Variants in DHRSX observed in about 807,000 individuals in gnomAD.
DHRSX encodes dehydrogenase/reductase X-linked, also known as polyprenol dehydrogenase.
DHRSX carries 31 observed loss-of-function variants against 34.0 expected under a neutral mutation model. The ratio of observed to expected loss-of-function variants is 0.91; its 90% CI spans 0.69 to 1.23. The LOEUF is 1.23. Ranked by LOEUF, DHRSX falls within the 50% of genes most tolerant of loss-of-function variation. DHRSX has a pLI of 0.00. For synonymous variants in DHRSX, 201 were observed against 183.8 expected (o/e 1.09, Z -0.76); for missense variants, 414 against 428.1 (o/e 0.97, Z 0.29).
In DHRSX at chrX:2,298,614, A is replaced by ACACACACACACACACACG. The variant is rs1556457247; in HGVS notation, c.287-7012_287-7011insCGTGTGTGTGTGTGTGTG. Among the ~76,000 whole-genome samples, 149 of 83,006 alleles carry ACACACACACACACACACG rather than the reference A, an allele frequency of 1.8e-3. 14 individuals are homozygous for ACACACACACACACACACG. The highest frequency in any genetic ancestry group is 5.4e-3 in the African/African-American group (133 of 24,468). The allele number at this position is 83,006 out of a possible 152,430, so 54.5% of individuals were successfully genotyped here. On this transcript the variant is annotated intron_variant, in intron 3 of 6. Transcript: ENST00000334651. Reference sequence around the variant, plus strand: ...CAGGCGCGTGTGTACACACACACACACACACACACACACACACACACACGA... The same window carrying ACACACACACACACACACG: ...CAGGCGCGTGTGTACACACACACACACACACACACACACACACGCACACACACACACACACACACACGA...
At chrX:2,484,455 C>G (rs954232816) in intron 1 of DHRSX, among the ~76,000 whole-genome samples, 10 of 152,290 alleles carry the variant, frequency 6.6e-5, no homozygotes, top group African/African-American at 1.9e-4. Context: ...TAGGAAGGAG[C>G]CTGGCTGCAA....
chrX:2,316,137 C>T (rs185852725), intron 3 of DHRSX, among the ~76,000 whole-genome samples: 1 of 152,112 alleles, frequency 6.6e-6, no homozygotes, highest in East Asian at 2.0e-4. Context: ...GCTGGGATAA[C>T]AGGCGTGAGC....
chrX:2,466,975 G>T (rs1157212490), intron 1 of DHRSX, among the ~76,000 whole-genome samples: 2 of 149,834 alleles, frequency 1.3e-5, no homozygotes, highest in Admixed American at 1.4e-4. Flanking sequence ...TGAGGTGGGA[G>T]AATCCCTTGA....
intron 3 of DHRSX, among the ~76,000 whole-genome samples, chrX:2,298,157 C>T (rs767397938): frequency 6.6e-6 from 1 of 151,942 alleles, no homozygotes; most frequent in Admixed American, 6.6e-5. Context: ...AGCCACAAGC[C>T]GTGGGATGCC....
At chrX:2,378,178 T>A (rs2043163610) in intron 3 of DHRSX, among the ~76,000 whole-genome samples, 1 of 152,264 alleles carries the variant, frequency 6.6e-6, no homozygotes, top group African/African-American at 2.4e-5. Context: ...GCTCCAGGAA[T>A]GTCCTTTGAC....
At chrX:2,318,473 CT>C (rs2042267266) in intron 3 of DHRSX, among the ~76,000 whole-genome samples, 1 of 151,544 alleles carries the variant, frequency 6.6e-6, no homozygotes, top group South Asian at 2.1e-4. Context: ...GGTAAAGAAG[CT>C]GGCCAAACCC....
intron 3 of DHRSX, among the ~76,000 whole-genome samples, chrX:2,391,019 G>A (rs1309484614): frequency 4.0e-5 from 6 of 151,878 alleles, no homozygotes; most frequent in Admixed American, 3.3e-4. Context: ...ATATTCCACC[G>A]TTTGGATATA....
At chrX:2,258,082 T>C (rs1273583472) in intron 5 of DHRSX, among the ~76,000 whole-genome samples, 1 of 151,912 alleles carries the variant, frequency 6.6e-6, no homozygotes, top group Non-Finnish European at 1.5e-5. Context: ...TGATGACATC[T>C]CCAAGCCCAG....
chrX:2,224,515 G>C (rs2015592035), intron 6 of DHRSX, among the ~76,000 whole-genome samples: 1 of 152,154 alleles, frequency 6.6e-6, no homozygotes, highest in African/African-American at 2.4e-5. Flanking sequence ...AAGACAGCAA[G>C]CGCATTGTGC....
At chrX:2,271,217 C>A (rs1174215927) in intron 4 of DHRSX, among the ~76,000 whole-genome samples, 1 of 152,228 alleles carries the variant, frequency 6.6e-6, no homozygotes, top group Non-Finnish European at 1.5e-5. Flanking sequence ...ACTCCAGGCA[C>A]ATCTGAACAT....
intron 6 of DHRSX, among the ~76,000 whole-genome samples, chrX:2,233,507 G>A (rs73626174): frequency 0.027 from 4,156 of 152,156 alleles, 212 homozygotes; most frequent in African/African-American, 0.095. Flanking sequence ...CCAGACGCCC[G>A]GCTGGGGGGC....
At chrX:2,289,617 C>T (rs1194301409) in intron 4 of DHRSX, among the ~76,000 whole-genome samples, 3 of 152,214 alleles carry the variant, frequency 2.0e-5, no homozygotes, top group Non-Finnish European at 2.9e-5. Context: ...GGGTGTTACA[C>T]AGAACGAGGA....
chrX:2,339,853 G>C (rs1955311982), intron 3 of DHRSX, among the ~76,000 whole-genome samples: 1 of 152,058 alleles, frequency 6.6e-6, no homozygotes. Flanking sequence ...CTTTATAGTA[G>C]AATGATTTAT....
chrX:2,462,468 G>A (rs2044416473), intron 1 of DHRSX, among the ~76,000 whole-genome samples: 1 of 152,074 alleles, frequency 6.6e-6, no homozygotes. Context: ...CTGGGAGGTG[G>A]AGGTTGCAGC....
intron 3 of DHRSX, among the ~76,000 whole-genome samples, chrX:2,294,076 G>GAGAAAGAA (rs1001775182): frequency 3.3e-5 from 5 of 151,822 alleles, no homozygotes; most frequent in African/African-American, 1.2e-4. Context: ...GAGAGAAAGA[G>GAGAAAGAA]AGAAAGAAAG....
At chrX:2,266,522 G>T (rs62595519) in intron 5 of DHRSX, among the ~76,000 whole-genome samples, 1 of 135,468 alleles carries the variant, frequency 7.4e-6, no homozygotes, top group Non-Finnish European at 1.6e-5. Context: ...ACCAGTGCTC[G>T]GCAGATGCAG....
rs1231449476 is a variant in DHRSX, at chrX:2,245,720, G to A, written c.597-2490C>T. ...TGCCTGTAATCTCAGCACTTTGGGA[G>A]GCCAAGGCGGGCGGATCACAAGGTC... On this transcript the variant is annotated intron_variant, in intron 5 of 6. Coordinates refer to ENST00000334651, the MANE Select transcript of DHRSX (RefSeq NM_145177.3). Among the ~76,000 whole-genome samples the A allele has an allele frequency of 6.2e-5, 9 of 146,240 alleles. No homozygotes were observed. In the East Asian group the frequency reaches 1.0e-3, roughly 17 times the overall value.
intron 3 of DHRSX, among the ~76,000 whole-genome samples, chrX:2,380,448 G>A (rs1357367410): frequency 2.0e-5 from 3 of 152,038 alleles, no homozygotes; most frequent in Non-Finnish European, 4.4e-5. Flanking sequence ...AGGGAAAGAT[G>A]GTCTCTACAG....
chrX:2,282,759 G>C (rs1259612107), intron 4 of DHRSX, among the ~76,000 whole-genome samples: 2 of 120,116 alleles, frequency 1.7e-5, no homozygotes, highest in African/African-American at 3.2e-5. Flanking sequence ...AGAGAGAAGA[G>C]GGGAGAAAGC....
Sources: gnomAD v4.1 joint callset for allele counts (sites outside exome capture counted in the v4.1 genomes callset) on GRCh38, gnomAD v4.1.1 for gene constraint, MANE v1.5 for transcripts, NCBI Gene and HGNC (gene_info 2026-07-23, HGNC 2026-07-21) for gene names.